Variants in IFT74 observed in about 807,000 individuals in gnomAD.
The protein encoded by IFT74 is intraflagellar transport protein 74 homolog.
In IFT74, 92 loss-of-function variants were observed where a neutral mutation model predicts 96.7. The observed-to-expected ratio is 0.95, with a 90% CI of 0.80 to 1.13. The LOEUF is 1.13. IFT74 is among the 50% of genes most tolerant of loss of function. The pLI, the probability that IFT74 is intolerant of heterozygous loss-of-function variation, is 0.00. For synonymous variants in IFT74, 223 were observed against 213.2 expected (o/e 1.05, Z -0.40); for missense variants, 811 against 698.2 (o/e 1.16, Z -1.82).
chr9:26,991,374 C>G (rs559822407), intron 8 of IFT74, among the ~76,000 whole-genome samples: 1 of 152,178 alleles, frequency 6.6e-6, no homozygotes, highest in African/African-American at 2.4e-5. Flanking sequence ...GTGCATGCCA[C>G]TATGCCCAGC....
chr9:26,949,475 G>A (rs1251188971), intron 1 of IFT74, among the ~76,000 whole-genome samples: 1 of 152,140 alleles, frequency 6.6e-6, no homozygotes, highest in Non-Finnish European at 1.5e-5. Context: ...TATTTTCTTA[G>A]TCTTGCTTCC....
chr9:26,969,641 A>G (rs1376008036), intron 2 of IFT74, among the ~76,000 whole-genome samples: 1 of 151,894 alleles, frequency 6.6e-6, no homozygotes, highest in African/African-American at 2.4e-5. Flanking sequence ...TGTATAAATT[A>G]TGTTTCTTTC....
chr9:26,988,021 C>T (rs781721818), intron 6 of IFT74, among the ~76,000 whole-genome samples: 3 of 151,994 alleles, frequency 2.0e-5, no homozygotes, highest in African/African-American at 4.8e-5. Context: ...GGTGCCATCT[C>T]GGCTCACCGC....
intron 6 of IFT74, among the ~76,000 whole-genome samples, chr9:26,987,675 A>G (rs1359973750): frequency 1.3e-5 from 2 of 152,196 alleles, no homozygotes; most frequent in East Asian, 1.9e-4. Context: ...TTCTGTTCAC[A>G]TTCTGGCTCT....
intron 8 of IFT74, among the ~76,000 whole-genome samples, chr9:27,000,397 A>G (rs182325358): frequency 6.6e-6 from 1 of 152,204 alleles, no homozygotes; most frequent in Admixed American, 6.5e-5. Context: ...GATTTTTTCA[A>G]TTTTAGGCAT....
chr9:26,977,727 GATCC>G (rs1340401492), intron 2 of IFT74, among the ~76,000 whole-genome samples: 1 of 152,096 alleles, frequency 6.6e-6, no homozygotes, highest in African/African-American at 2.4e-5. Flanking sequence ...GACCTCACAT[GATCC>G]ACCTGCCTTG....
At chr9:26,997,811 A>G (rs1233529633) in intron 8 of IFT74, 5 of 1,614,164 alleles carry the variant, frequency 3.1e-6, no homozygotes, top group Non-Finnish European at 4.2e-6. Context: ...ATATAAAGTT[A>G]TTAATTCCAG....
rs778578642 is a variant in IFT74, at chr9:26,995,828, C to A, written c.587+5633C>A. 21 of 1,603,338 alleles carry A rather than the reference C, an allele frequency of 1.3e-5. No individual in the cohort carries two copies. In the East Asian group the frequency reaches 4.5e-4, roughly 34 times the overall value. On this transcript the variant is annotated intron_variant, in intron 8 of 19. Transcript: ENST00000380062. ...AACAACACCAACAAGAAAAGCCCAA[C>A]TTTTTCCAAGAGGTTCATGTTCTTT...
intron 8 of IFT74, among the ~76,000 whole-genome samples, chr9:27,001,891 T>G (rs2131584801): frequency 6.6e-6 from 1 of 152,218 alleles, no homozygotes; most frequent in African/African-American, 2.4e-5. Flanking sequence ...CAAAAAAATC[T>G]TTGTCCAGGC....
At chr9:26,965,465 C>G (rs1023041252) in intron 2 of IFT74, among the ~76,000 whole-genome samples, 1 of 152,016 alleles carries the variant, frequency 6.6e-6, no homozygotes, top group African/African-American at 2.4e-5. Flanking sequence ...AATATTAGGA[C>G]ATCGTCATCA....
intron 12 of IFT74, among the ~76,000 whole-genome samples, chr9:27,024,300 T>C (rs1034104064): frequency 5.9e-5 from 9 of 152,188 alleles, no homozygotes; most frequent in African/African-American, 2.2e-4. Flanking sequence ...CAGGTGCTGG[T>C]ATCCACAGCT....
chr9:27,049,293 G>T (rs981374838), intron 16 of IFT74, among the ~76,000 whole-genome samples: 3 of 152,100 alleles, frequency 2.0e-5, no homozygotes, highest in African/African-American at 7.2e-5. Context: ...CATCTTAAAG[G>T]TACAGAGGAA....
intron 2 of IFT74, among the ~76,000 whole-genome samples, chr9:26,967,107 T>G (rs555661798): frequency 1.3e-5 from 2 of 152,104 alleles, no homozygotes; most frequent in East Asian, 3.9e-4. Context: ...ATATAAATTT[T>G]AGGATTTTTT....
intron 13 of IFT74, among the ~76,000 whole-genome samples, chr9:27,032,019 C>G (rs929990985): frequency 1.3e-5 from 2 of 152,008 alleles, no homozygotes; most frequent in African/African-American, 4.8e-5. Flanking sequence ...GTGTTTTACT[C>G]TTTACTAGTG....
rs777725816 is a variant in IFT74, at chr9:26,999,618, T to G, written c.588-9402T>G. ...ATTTTGATTGTAAAAACTTACTCTT[T>G]TAGAAGACTGGATTTTGTCTGATAA... On this transcript the variant is annotated intron_variant, in intron 8 of 19. Coordinates refer to ENST00000380062, the MANE Select transcript of IFT74 (RefSeq NM_025103.4). 18 of 1,593,900 alleles carry G rather than the reference T, an allele frequency of 1.1e-5. No individual in the cohort carries two copies. The South Asian group carries it at 2.0e-4, about 18-fold the overall frequency.
In IFT74 at chr9:27,008,359, T is replaced by A. The variant is rs552600521; in HGVS notation, c.588-661T>A. ...TTAAAACCACAATTCTAAAACTTAT[T>A]TGTCTTTTTTTTTTTTGAGATGGAG... On this transcript the variant is annotated intron_variant, in intron 8 of 19. Transcript: ENST00000380062. Among the ~76,000 whole-genome samples, 32 of 152,012 alleles carry A rather than the reference T, an allele frequency of 2.1e-4. No homozygotes were observed. The East Asian group carries it at 6.0e-3, about 29-fold the overall frequency.
chr9:27,058,922 G>GATA (rs1587430935), intron 18 of IFT74, among the ~76,000 whole-genome samples: 1 of 152,194 alleles, frequency 6.6e-6, no homozygotes, highest in Non-Finnish European at 1.5e-5. Flanking sequence ...AGGTTGTTTA[G>GATA]AGTGAGGATG....
chr9:27,019,976 A>AT (rs771476988), intron 12 of IFT74, among the ~76,000 whole-genome samples: 4,039 of 142,838 alleles, frequency 0.028, 110 homozygotes, highest in African/African-American at 0.075. Flanking sequence ...TTTTAATTTA[A>AT]TTTTTTTTTT....
intron 16 of IFT74, among the ~76,000 whole-genome samples, chr9:27,049,124 A>T: frequency 6.6e-6 from 1 of 152,042 alleles, no homozygotes; most frequent in East Asian, 1.9e-4. Flanking sequence ...TTCTGTCATG[A>T]TTGTAAGCTT....
Sources: allele counts gnomAD v4.1 joint callset (sites outside exome capture counted in the v4.1 genomes callset), GRCh38; gene constraint gnomAD v4.1.1; transcripts MANE v1.5; gene names NCBI Gene and HGNC (gene_info 2026-07-23, HGNC 2026-07-21).